ADAMTS13: variants seen among roughly 807,000 people sequenced by gnomAD.
The protein encoded by ADAMTS13 is A disintegrin and metalloproteinase with thrombospondin motifs 13.
A neutral mutation model predicts 155.1 loss-of-function variants in ADAMTS13; 110 were observed. The ratio of observed to expected loss-of-function variants is 0.71; its 90% CI spans 0.61 to 0.83. The LOEUF (loss-of-function observed/expected upper bound fraction) is 0.83. Ranked by LOEUF, ADAMTS13 falls within the 40% of genes least tolerant of loss-of-function variation. The probability of loss-of-function intolerance (pLI) is 0.00; values close to 1 mark genes in which losing one functional copy is unlikely to be tolerated. For missense variants in ADAMTS13, 1,707 were observed against 1,891.7 expected, an observed-to-expected ratio of 0.90 and a Z score of 1.81; for synonymous variants, 758 against 756.4, an observed-to-expected ratio of 1.00 and a Z score of -0.03.
intron 1 of ADAMTS13, chr9:133,414,645 G>A: frequency 6.2e-7 from 1 of 1,610,492 alleles, no homozygotes; most frequent in East Asian, 2.2e-5. Flanking sequence ...GTTCTCAGTG[G>A]TGAGGTGGCC....
intron 18 of ADAMTS13, 69 bp downstream of exon 18, chr9:133,442,812 C>G: frequency 3.9e-6 from 6 of 1,535,264 alleles, no homozygotes; most frequent in South Asian, 1.2e-5. Context: ...TGGGCTCTGT[C>G]CCTGGCCTAT....
intron 1 of ADAMTS13, among the ~76,000 whole-genome samples, chr9:133,416,615 G>A (rs587655444): frequency 4.6e-5 from 7 of 152,324 alleles, no homozygotes; most frequent in South Asian, 2.1e-4. Context: ...TATGAGTGAC[G>A]CACGTGGAAG....
Position 133,433,371 on chromosome 9 carries a change from C to T in ADAMTS13, c.1093-7C>T. 1.2e-6 allele frequency: 2 copies of T among 1,612,594 alleles called. No individual in the cohort carries two copies. Among genetic ancestry groups the T allele is most frequent in the Non-Finnish European group, 1.7e-6 (2 of 1,179,910 alleles). On this transcript the variant is annotated splice_region_variant and splice_polypyrimidine_tract_variant and intron_variant, in intron 9 of 28. Transcript: ENST00000355699. ...GGATGGGAGATGAAGCCATCCTTGC[C>T]TTGCAGTGGTGCTCCAAGGGTCGCT... is the stretch of plus-strand genomic sequence containing the variant.
intron 18 of ADAMTS13, 31 bp downstream of exon 18, chr9:133,442,774 G>T (rs782091539): frequency 6.2e-7 from 1 of 1,603,048 alleles, no homozygotes; most frequent in Admixed American, 1.7e-5. Flanking sequence ...GCAGCTCCAA[G>T]GGGGAGAGAG....
At chr9:133,417,471 C>A (rs55756154), upstream of ADAMTS13, 189 of 794,136 alleles carry the variant, frequency 2.4e-4, no homozygotes, top group African/African-American at 3.1e-3. Flanking sequence ...CCTCCCTCAA[C>A]AGGCCACCTT....
At position 133,442,701 on chromosome 9, in the gene ADAMTS13, C is replaced by T; in HGVS notation, c.2192C>T (p.Pro731Leu). The change falls in exon 18 of 29, where the codon CCA (proline) becomes CTA (leucine). Residue 731 changes from proline to leucine, a missense_variant. Coordinates refer to ENST00000355699, the MANE Select transcript of ADAMTS13 (RefSeq NM_139027.6). The part of the protein sequence containing the change: ...TVQCQGSQQP[P>L]AWPEACVLEP... ...CAGTGCCAAGGGAGCCAGCAGCCAC[C>T]AGCGTGGCCAGAGGCCTGCGTGCTC... 1.2e-6 allele frequency: 2 copies of T among 1,613,098 alleles called. No individual in the cohort carries two copies. The highest frequency in any genetic ancestry group is 1.7e-6 in the Non-Finnish European group (2 of 1,179,998).
chr9:133,414,429 C>A, exon 1 of ADAMTS13: 1 of 688,634 alleles, frequency 1.5e-6, no homozygotes. Flanking sequence ...CTTCCACACA[C>A]GTGTACTGGC....
chr9:133,444,803 G>A, intron 19 of ADAMTS13, 60 bp from the exon 20 acceptor site: 1 of 1,574,810 alleles, frequency 6.3e-7, no homozygotes, highest in South Asian at 1.1e-5. Context: ...TAGCAGCTGG[G>A]CTATACCTTC....
chr9:133,429,794 G>C (rs1179014538), intron 7 of ADAMTS13, 145 bp from the exon 8 acceptor site: 2 of 1,121,862 alleles, frequency 1.8e-6, no homozygotes, highest in South Asian at 1.3e-5. Flanking sequence ...GGCTCCTGGT[G>C]GGGGGCGCGG....
At chr9:133,434,191 G>A (rs1370049284) in intron 11 of ADAMTS13, among the ~76,000 whole-genome samples, 2 of 152,152 alleles carry the variant, frequency 1.3e-5, no homozygotes, top group Admixed American at 1.3e-4. Flanking sequence ...AGCCCCTGAA[G>A]CGTCCCGCCT....
chr9:133,432,345 GAAAA>G (rs1263545841), intron 8 of ADAMTS13, among the ~76,000 whole-genome samples: 1 of 152,176 alleles, frequency 6.6e-6, no homozygotes, highest in African/African-American at 2.4e-5. Context: ...AGGAAAAAAA[GAAAA>G]AAGACACAAA....
chr9:133,444,640 C>CCCCACCT (rs1160695066), intron 19 of ADAMTS13, among the ~76,000 whole-genome samples: 1 of 152,158 alleles, frequency 6.6e-6, no homozygotes, highest in East Asian at 1.9e-4. Context: ...GGGTGCCTGA[C>CCCCACCT]TGTTGAGCAG....
rs1330383008 is a variant in ADAMTS13 at position 133,441,658 on chromosome 9, T to C, written c.1969-741T>C. Among the ~76,000 whole-genome samples, 1 of 152,176 alleles carries C rather than the reference T, an allele frequency of 6.6e-6. No individual in the cohort carries two copies. The highest frequency in any genetic ancestry group is 1.9e-4 in the East Asian group (1 of 5,188). ...ACCCAGTTACCCTCCTGAAGAGCCTTAGGCCCAGGAACCTGCTGAAGTTCT... is the reference window on the plus strand; with the variant it reads ...ACCCAGTTACCCTCCTGAAGAGCCTCAGGCCCAGGAACCTGCTGAAGTTCT... On this transcript the variant is annotated intron_variant, in intron 16 of 28. Transcript: ENST00000355699. This position sits in a 1 kb window ranked among gnomAD's most constrained non-coding sequence, Gnocchi z 5.0.
At chr9:133,415,051 G>C (rs1554781273) in intron 1 of ADAMTS13, 1 of 1,526,658 alleles carries the variant, frequency 6.6e-7, no homozygotes, top group Non-Finnish European at 8.8e-7. Flanking sequence ...TTTGAATTTG[G>C]AAATTACACA....
intron 14 of ADAMTS13, among the ~76,000 whole-genome samples, chr9:133,439,117 T>C (rs1038516953): frequency 2.0e-5 from 3 of 152,214 alleles, no homozygotes; most frequent in South Asian, 2.1e-4. Context: ...ACTTGAGCCC[T>C]GCCTCCCTCT....
In ADAMTS13 at chr9:133,429,865, C is replaced by G. The variant is rs1362588475; in HGVS notation, c.825-74C>G. The G allele has an allele frequency of 2.6e-6, 4 of 1,520,264 alleles. No homozygotes were observed. The East Asian group carries it at 7.4e-5, about 28-fold the overall frequency. The allele number at this position is 1,520,264 out of a possible 1,614,324, so 94.2% of individuals were successfully genotyped here. On this transcript the variant is annotated intron_variant, in intron 7 of 28. Coordinates refer to ENST00000355699, the MANE Select transcript of ADAMTS13 (RefSeq NM_139027.6). ...GCTTCCAAACGCTTCCATCCTCGTGCCCACTCCTCCGTCCCGCCTCCTCCC... is the reference window on the plus strand; with the variant it reads ...GCTTCCAAACGCTTCCATCCTCGTGGCCACTCCTCCGTCCCGCCTCCTCCC...
rs587682201 is a variant in ADAMTS13, at chr9:133,437,685, G to C, written c.1436-64G>C. On this transcript the variant is annotated intron_variant, in intron 12 of 28. Coordinates refer to ENST00000355699, the MANE Select transcript of ADAMTS13 (RefSeq NM_139027.6). ...CCAGATGCAAAGGATGAAGCTGGGT[G>C]GGGGCTGGGGGACTTGCCCCTCCTG... The C allele has an allele frequency of 1.1e-3, 1,752 of 1,601,830 alleles. 2 individuals are homozygous for C. Among genetic ancestry groups the C allele is most frequent in the South Asian group, 1.5e-3 (133 of 90,572 alleles).
chr9:133,443,349 G>A, intron 18 of ADAMTS13, 27 bp from the exon 19 acceptor site: 1 of 1,578,890 alleles, frequency 6.3e-7, no homozygotes, highest in Non-Finnish European at 8.5e-7. Context: ...CCTGGCCAGG[G>A]TCCCGACGCT....
At chr9:133,439,843 C>T (rs937594330) in intron 15 of ADAMTS13, among the ~76,000 whole-genome samples, 1 of 152,194 alleles carries the variant, frequency 6.6e-6, no homozygotes, top group African/African-American at 2.4e-5. Flanking sequence ...ACATGATTGA[C>T]TAATTGGCCA....
Sources: gnomAD v4.1 joint callset for allele counts (sites outside exome capture counted in the v4.1 genomes callset) on GRCh38, gnomAD v4.1.1 for gene constraint, Gnocchi (gnomAD v3.1) non-coding constraint, MANE v1.5 for transcripts, NCBI Gene and HGNC (gene_info 2026-07-23, HGNC 2026-07-21) for gene names.